TRPC5: variants seen among roughly 807,000 people sequenced by gnomAD.
TRPC5 encodes short transient receptor potential channel 5.
In TRPC5, 9 loss-of-function variants were observed where a neutral mutation model predicts 56.5. The observed-to-expected ratio is 0.16, with a 90% CI of 0.10 to 0.28. The LOEUF (loss-of-function observed/expected upper bound fraction) is 0.28, where lower values mean the gene tolerates loss of function less well. Ranked by LOEUF, TRPC5 falls within the 10% of genes least tolerant of loss-of-function variation. The pLI, the probability that TRPC5 is intolerant of heterozygous loss-of-function variation, is 1.00. For synonymous variants in TRPC5, 282 were observed against 278.5 expected (o/e 1.01, Z -0.13); for missense variants, 469 against 748.9 (o/e 0.63, Z 4.36).
At chrX:111,801,799 C>G (rs1032934213) in intron 7 of TRPC5, among the ~76,000 whole-genome samples, 7 of 112,023 alleles carry the variant, frequency 6.2e-5, no homozygotes, top group Non-Finnish European at 1.3e-4. Flanking sequence ...CTTATTAGAT[C>G]TATGATTTGC....
chrX:112,061,794 T>C (rs1930465196), intron 1 of TRPC5, among the ~76,000 whole-genome samples: 1 of 111,439 alleles, frequency 9.0e-6, no homozygotes, highest in Non-Finnish European at 1.9e-5. Flanking sequence ...AAAGAAAAAG[T>C]CCAGAAGCAG....
intron 7 of TRPC5, among the ~76,000 whole-genome samples, chrX:111,825,312 C>T (rs1392711596): frequency 9.4e-6 from 1 of 106,099 alleles, no homozygotes; most frequent in Admixed American, 1.0e-4. Flanking sequence ...AATGCAGTGG[C>T]ATGATCTCAG....
At chrX:112,062,819 G>T (rs1485168711) in intron 1 of TRPC5, among the ~76,000 whole-genome samples, 1 of 111,863 alleles carries the variant, frequency 8.9e-6, no homozygotes, top group Non-Finnish European at 1.9e-5. Flanking sequence ...GTAATGTCAA[G>T]GGAGGATGAA....
chrX:111,812,986 C>T (rs987769828), intron 7 of TRPC5, among the ~76,000 whole-genome samples: 2 of 112,199 alleles, frequency 1.8e-5, no homozygotes, highest in African/African-American at 6.5e-5. Flanking sequence ...CATTTATTTT[C>T]GTGGGACTAG....
At chrX:111,836,616 T>G (rs908028650) in intron 6 of TRPC5, among the ~76,000 whole-genome samples, 1 of 112,047 alleles carries the variant, frequency 8.9e-6, no homozygotes, top group African/African-American at 3.2e-5. Context: ...TTGTTTAATT[T>G]TCTTTGTAGC....
chrX:111,915,143 G>C (rs1315841936), intron 2 of TRPC5, among the ~76,000 whole-genome samples: 1 of 110,497 alleles, frequency 9.1e-6, no homozygotes, highest in East Asian at 2.8e-4. Context: ...TTCTAAGGCA[G>C]TGCTGCCAGT....
chrX:111,873,904 T>G (rs952303170), intron 3 of TRPC5, among the ~76,000 whole-genome samples: 3 of 112,156 alleles, frequency 2.7e-5, no homozygotes, highest in African/African-American at 9.7e-5. Context: ...TCTTGGCTCC[T>G]GTGTGCTTAA....
chrX:111,911,827 G>C (rs1225286573), intron 3 of TRPC5, among the ~76,000 whole-genome samples: 1 of 112,267 alleles, frequency 8.9e-6, no homozygotes, highest in Non-Finnish European at 1.9e-5. Flanking sequence ...CATCCAGGCA[G>C]CGACCCTCCT....
At chrX:111,953,444 C>T (rs918287338) in intron 1 of TRPC5, among the ~76,000 whole-genome samples, 1 of 112,059 alleles carries the variant, frequency 8.9e-6, no homozygotes, top group African/African-American at 3.3e-5. Flanking sequence ...CAGTATAGAG[C>T]TCTTGCCTCA....
intron 7 of TRPC5, among the ~76,000 whole-genome samples, chrX:111,828,275 C>T (rs1922299360): frequency 9.0e-6 from 1 of 111,728 alleles, no homozygotes; most frequent in African/African-American, 3.3e-5. Context: ...CCCCATGTGT[C>T]AGGGAGGGAT....
chrX:112,050,863 T>C (rs1412962040), intron 1 of TRPC5, among the ~76,000 whole-genome samples: 1 of 112,567 alleles, frequency 8.9e-6, no homozygotes, highest in African/African-American at 3.2e-5. Context: ...CAAGGGTTAC[T>C]ATGAGCAAAT....
At chrX:111,821,272 G>A (rs1922021198) in intron 7 of TRPC5, among the ~76,000 whole-genome samples, 1 of 111,687 alleles carries the variant, frequency 9.0e-6, no homozygotes, top group African/African-American at 3.3e-5. Context: ...TACCCAGGGG[G>A]AAATTGGGAT....
chrX:111,915,975 A>G (rs1468625460), intron 2 of TRPC5, among the ~76,000 whole-genome samples: 1 of 109,441 alleles, frequency 9.1e-6, no homozygotes, highest in Non-Finnish European at 1.9e-5. Flanking sequence ...AAAACATTAT[A>G]TTAGCTAGGT....
At chrX:112,057,785 T>C in intron 1 of TRPC5, among the ~76,000 whole-genome samples, 1 of 112,240 alleles carries the variant, frequency 8.9e-6, no homozygotes, top group Middle Eastern at 4.6e-3. Flanking sequence ...GCAAGTTTCT[T>C]AGTGGATAAA....
At chrX:111,949,798 G>T (rs1259314632) in intron 2 of TRPC5, among the ~76,000 whole-genome samples, 3 of 111,755 alleles carry the variant, frequency 2.7e-5, no homozygotes, top group Non-Finnish European at 5.6e-5. Flanking sequence ...ATTCCTTAAA[G>T]AACTAAAAGT....
intron 3 of TRPC5, among the ~76,000 whole-genome samples, chrX:111,860,138 G>C (rs1923360811): frequency 1.8e-5 from 2 of 112,552 alleles, no homozygotes; most frequent in Non-Finnish European, 3.8e-5. Context: ...TGAATCTCCT[G>C]ACCTCGTGAT....
chrX:112,077,054 C>T (rs915001470), intron 1 of TRPC5, among the ~76,000 whole-genome samples: 2 of 111,571 alleles, frequency 1.8e-5, no homozygotes, highest in Admixed American at 1.9e-4. Flanking sequence ...GTGCATTATA[C>T]GGTCTTATTT....
Position 111,958,923 on chromosome X carries a change from T to C in TRPC5, c.-21-6482A>G, listed in dbSNP as rs190904845. 1.9e-4 allele frequency among the ~76,000 whole-genome samples: 21 copies of C among 111,966 alleles called. No individual in the cohort carries two copies. In the East Asian group the frequency reaches 4.8e-3, roughly 25 times the overall value. On this transcript the variant is annotated intron_variant, in intron 1 of 10. Transcript: ENST00000262839. Reference sequence around the variant, plus strand: ...AGTAGATGATAAGCGCTAAAAGAAATAAAATATCTTCAATCAAGAGTTCTA... The same window carrying C: ...AGTAGATGATAAGCGCTAAAAGAAACAAAATATCTTCAATCAAGAGTTCTA...
At chrX:112,015,034 ATTT>A (rs59820631) in intron 1 of TRPC5, among the ~76,000 whole-genome samples, 112 of 85,812 alleles carry the variant, frequency 1.3e-3, no homozygotes, top group African/African-American at 3.8e-3. Flanking sequence ...CCTTCTTGCC[ATTT>A]TTTTTTTTTT....
Sources: gnomAD v4.1 joint callset for allele counts (sites outside exome capture counted in the v4.1 genomes callset) on GRCh38, gnomAD v4.1.1 for gene constraint, MANE v1.5 for transcripts, NCBI Gene and HGNC (gene_info 2026-07-23, HGNC 2026-07-21) for gene names.